Variants in PTPRT observed in about 807,000 individuals in gnomAD.
PTPRT encodes the protein receptor-type tyrosine-protein phosphatase T.
In PTPRT, 56 loss-of-function variants were observed where a neutral mutation model predicts 176.8. That is an observed-to-expected ratio of 0.32 (90% CI 0.26 to 0.40). The LOEUF (loss-of-function observed/expected upper bound fraction) is 0.40. PTPRT is among the 10% of genes least tolerant of loss of function. PTPRT has a pLI of 1.00. For missense variants in PTPRT, 1,540 were observed against 1,908.2 expected, an observed-to-expected ratio of 0.81 and a Z score of 3.60; for synonymous variants, 783 against 739.0, an observed-to-expected ratio of 1.06 and a Z score of -0.96.
chr20:42,822,331 G>C (rs146548071), intron 2 of PTPRT, among the ~76,000 whole-genome samples: 51 of 152,230 alleles, frequency 3.4e-4, no homozygotes, highest in African/African-American at 1.2e-3. Context: ...AATGGTGCTG[G>C]GATAACTGCC....
chr20:42,031,924 T>G, the PTPRT span, among the ~76,000 whole-genome samples: 1 of 152,182 alleles, frequency 6.6e-6, no homozygotes. Flanking sequence ...CTAAGTACTT[T>G]GTAAATCTTC....
chr20:42,542,294 T>C (rs1239667972), intron 7 of PTPRT, among the ~76,000 whole-genome samples: 1 of 152,138 alleles, frequency 6.6e-6, no homozygotes, highest in African/African-American at 2.4e-5. Context: ...AACTCATAGT[T>C]TTCCTAATAT....
At chr20:42,085,457 G>C (rs722897) in intron 28 of PTPRT, among the ~76,000 whole-genome samples, 33,207 of 152,086 alleles carry the variant, frequency 0.22, 3,966 homozygotes, top group Non-Finnish European at 0.27. Flanking sequence ...CAGTGGGGAA[G>C]AGCTAATGTC....
intron 2 of PTPRT, among the ~76,000 whole-genome samples, chr20:42,808,448 A>G (rs1376291883): frequency 1.3e-5 from 2 of 152,110 alleles, no homozygotes; most frequent in Non-Finnish European, 2.9e-5. Context: ...ACAGGACGAG[A>G]AAGTCCAGGA....
At chr20:42,650,562 A>T (rs2075011352) in intron 7 of PTPRT, among the ~76,000 whole-genome samples, 1 of 152,134 alleles carries the variant, frequency 6.6e-6, no homozygotes. Flanking sequence ...TTCAATCATC[A>T]CCTTGACAGT....
intron 21 of PTPRT, among the ~76,000 whole-genome samples, chr20:42,117,908 G>A (rs1358964522): frequency 6.6e-6 from 1 of 152,108 alleles, no homozygotes; most frequent in African/African-American, 2.4e-5. Context: ...AGTGAGAAAG[G>A]GAAAAATGAA....
intron 1 of PTPRT, among the ~76,000 whole-genome samples, chr20:43,066,286 A>G (rs1431634599): frequency 1.3e-5 from 2 of 152,134 alleles, no homozygotes; most frequent in Admixed American, 1.3e-4. Flanking sequence ...ATGTGTCTTC[A>G]TTTGTCCCCG....
intron 19 of PTPRT, among the ~76,000 whole-genome samples, chr20:42,123,739 T>C (rs1987707538): frequency 6.6e-6 from 1 of 152,196 alleles, no homozygotes; most frequent in Non-Finnish European, 1.5e-5. Flanking sequence ...TGCCCCCAGG[T>C]ACCTGAGTGG....
intron 7 of PTPRT, among the ~76,000 whole-genome samples, chr20:42,623,365 C>G (rs974914066): frequency 6.6e-6 from 1 of 152,216 alleles, no homozygotes; most frequent in Non-Finnish European, 1.5e-5. Flanking sequence ...TGTCTGTGTG[C>G]TCCCCCTCCC....
In PTPRT at chr20:42,078,870, C is replaced by T. The variant is rs922136126; in HGVS notation, c.*2009G>A. 4.0e-5 allele frequency: 7 copies of T among 174,690 alleles called. No homozygotes were observed. The highest frequency in any genetic ancestry group is 3.0e-4 in the East Asian group (3 of 9,972). 10.8% of individuals were successfully genotyped at this position (174,690 alleles called of 1,614,324 possible). A position where few individuals can be genotyped will look rare whatever the true frequency, so the allele number is the denominator to read the frequency against. Reference sequence around the variant, plus strand: ...TCCCCTTCTCCAGGAAGCCCGAGGCCGAAGAGACTTTCTTGCTCCTAGGCT... The same window carrying T: ...TCCCCTTCTCCAGGAAGCCCGAGGCTGAAGAGACTTTCTTGCTCCTAGGCT... On this transcript the variant is annotated 3_prime_UTR_variant, in exon 31 of 31. Transcript: ENST00000373187.
intron 7 of PTPRT, among the ~76,000 whole-genome samples, chr20:42,629,219 T>C (rs2074357198): frequency 6.6e-6 from 1 of 151,924 alleles, no homozygotes; most frequent in Admixed American, 6.6e-5. Flanking sequence ...GAAGTAATTA[T>C]AGAGACGAGT....
chr20:42,372,587 G>C (rs190504073), intron 9 of PTPRT, among the ~76,000 whole-genome samples: 26 of 152,124 alleles, frequency 1.7e-4, no homozygotes, highest in African/African-American at 5.3e-4. Flanking sequence ...GCCAAGCCAG[G>C]GTTTTCCCGA....
chr20:42,419,212 G>GA (rs1348814112), intron 9 of PTPRT, among the ~76,000 whole-genome samples: 1 of 152,162 alleles, frequency 6.6e-6, no homozygotes, highest in Non-Finnish European at 1.5e-5. Flanking sequence ...TGTACACATA[G>GA]GTCCATCCCA....
chr20:42,542,865 A>C (rs1700642277), intron 7 of PTPRT, among the ~76,000 whole-genome samples: 1 of 152,240 alleles, frequency 6.6e-6, no homozygotes, highest in Non-Finnish European at 1.5e-5. Context: ...GACTAAAAGA[A>C]GGTACTGAAC....
chr20:42,785,093 T>C (rs970789844), intron 3 of PTPRT, among the ~76,000 whole-genome samples: 6 of 152,210 alleles, frequency 3.9e-5, no homozygotes, highest in African/African-American at 4.8e-5. Flanking sequence ...AACACATGCA[T>C]AGATCAAAAT....
rs62204870 is a variant in PTPRT, at chr20:42,468,539, C to G, written c.1450+3727G>C. On this transcript the variant is annotated intron_variant, in intron 8 of 30. Coordinates refer to ENST00000373187, the MANE Select transcript of PTPRT (RefSeq NM_007050.6). ...ATAATGTCCACACATCTCCATAGAGCAGGAATTGATGCTTTATTAATGATG... is the reference window on the plus strand; with the variant it reads ...ATAATGTCCACACATCTCCATAGAGGAGGAATTGATGCTTTATTAATGATG... Among the ~76,000 whole-genome samples, 1,222 of 152,310 alleles carry G rather than the reference C, an allele frequency of 8.0e-3. 11 individuals carry two copies. Among genetic ancestry groups the G allele is most frequent in the Admixed American group, 0.012 (185 of 15,304 alleles).
At chr20:42,725,597 C>T (rs867279637) in intron 6 of PTPRT, among the ~76,000 whole-genome samples, 2 of 152,040 alleles carry the variant, frequency 1.3e-5, no homozygotes, top group Non-Finnish European at 2.9e-5. Flanking sequence ...GTCCTAGGGA[C>T]TTTTATTACT....
intron 25 of PTPRT, among the ~76,000 whole-genome samples, chr20:42,104,218 C>T (rs1986214354): frequency 6.6e-6 from 1 of 152,112 alleles, no homozygotes; most frequent in Non-Finnish European, 1.5e-5. Flanking sequence ...CCTGTAATCC[C>T]AGCAATTTGG....
chr20:42,776,760 GTA>G (rs1035043606), intron 4 of PTPRT, among the ~76,000 whole-genome samples: 35 of 147,074 alleles, frequency 2.4e-4, no homozygotes, highest in Non-Finnish European at 4.8e-4. Context: ...AATTATAAAT[GTA>G]TATATGATAT....
Sources: gnomAD v4.1 joint callset for allele counts (sites outside exome capture counted in the v4.1 genomes callset) on GRCh38, gnomAD v4.1.1 for gene constraint, MANE v1.5 for transcripts, NCBI Gene and HGNC (gene_info 2026-07-23, HGNC 2026-07-21) for gene names.